LAMA2: variants seen among roughly 807,000 people sequenced by gnomAD.
LAMA2 encodes laminin subunit alpha 2.
In LAMA2, 269 loss-of-function variants were observed where a neutral mutation model predicts 364.8. That is an observed-to-expected ratio of 0.74 (90% confidence interval 0.67 to 0.82). The LOEUF (loss-of-function observed/expected upper bound fraction) is 0.82. LAMA2 is among the 40% of genes least tolerant of loss of function. LAMA2 has a pLI of 0.00. For missense variants in LAMA2, 3,807 were observed against 3,873.2 expected (o/e 0.98, Z 0.45); for synonymous variants, 1,379 against 1,370.6 (o/e 1.01, Z -0.14).
intron 1 of LAMA2, among the ~76,000 whole-genome samples, chr6:128,947,638 CT>C (rs1257564335): frequency 6.6e-6 from 1 of 152,092 alleles, no homozygotes; most frequent in Admixed American, 6.6e-5. Flanking sequence ...GCATTTATTA[CT>C]TTTATAACCT....
intron 1 of LAMA2, among the ~76,000 whole-genome samples, chr6:128,919,566 T>A (rs1778563214): frequency 6.6e-6 from 1 of 152,246 alleles, no homozygotes; most frequent in Non-Finnish European, 1.5e-5. Context: ...CTTACAGGCT[T>A]ACAGCCAACA....
chr6:129,301,880 C>T (rs1221375601), intron 22 of LAMA2, among the ~76,000 whole-genome samples: 2 of 152,036 alleles, frequency 1.3e-5, no homozygotes, highest in Admixed American at 6.6e-5. Flanking sequence ...AAAATAGAAT[C>T]GTAGTCTGTT....
intron 9 of LAMA2, among the ~76,000 whole-genome samples, chr6:129,176,074 T>C (rs571555750): frequency 1.2e-4 from 18 of 152,002 alleles, no homozygotes; most frequent in Non-Finnish European, 2.2e-4. Context: ...TAAGTTTACT[T>C]TTGGGTACAG....
intron 3 of LAMA2, among the ~76,000 whole-genome samples, chr6:129,071,625 A>G (rs1237171744): frequency 5.9e-5 from 9 of 152,130 alleles, no homozygotes; most frequent in African/African-American, 1.9e-4. Flanking sequence ...ATTTTAAAAT[A>G]TATTCTAATT....
rs188188527 is a variant in LAMA2, at chr6:128,909,332, C to A, written c.112+25975C>A. ...AATCTGGGTGCTCCTGTGTTGGGTG[C>A]GTATATATTTAGGTTAGTTAGCTCT... On this transcript the variant is annotated intron_variant, in intron 1 of 64. Coordinates refer to ENST00000421865, the MANE Select transcript of LAMA2 (RefSeq NM_000426.4). 1.1e-3 allele frequency among the ~76,000 whole-genome samples: 165 copies of A among 151,998 alleles called. 2 individuals are homozygous for A. The highest frequency in any genetic ancestry group is 3.8e-3 in the African/African-American group (158 of 41,412).
intron 1 of LAMA2, among the ~76,000 whole-genome samples, chr6:128,944,977 G>A (rs995976547): frequency 6.6e-6 from 1 of 152,124 alleles, no homozygotes; most frequent in Non-Finnish European, 1.5e-5. Context: ...ATTTCAATAC[G>A]AGATTTGGGT....
intron 45 of LAMA2, among the ~76,000 whole-genome samples, chr6:129,451,600 A>G (rs891535015): frequency 6.6e-6 from 1 of 152,188 alleles, no homozygotes; most frequent in African/African-American, 2.4e-5. Flanking sequence ...GTGAGGCAAC[A>G]ACAATAAACA....
At chr6:129,196,378 A>G (rs1014034601) in intron 12 of LAMA2, among the ~76,000 whole-genome samples, 1 of 150,692 alleles carries the variant, frequency 6.6e-6, no homozygotes, top group Non-Finnish European at 1.5e-5. Context: ...ATCTCATCAT[A>G]TAAAAGAAGC....
At chr6:128,919,429 T>C (rs1778554905) in intron 1 of LAMA2, among the ~76,000 whole-genome samples, 1 of 152,234 alleles carries the variant, frequency 6.6e-6, no homozygotes, top group Non-Finnish European at 1.5e-5. Context: ...ATGGTTAATA[T>C]TGGCCACAAA....
At chr6:129,293,613 A>G (rs909174796) in intron 20 of LAMA2, among the ~76,000 whole-genome samples, 2 of 152,202 alleles carry the variant, frequency 1.3e-5, no homozygotes, top group African/African-American at 4.8e-5. Context: ...TCTAATTACA[A>G]AAGTGTGGTT....
Position 129,154,638 on chromosome 6 carries a change from T to A in LAMA2, c.1161T>A (p.Gly387=). 4.3e-6 allele frequency: 7 copies of A among 1,614,100 alleles called. No individual in the cohort carries two copies. Among genetic ancestry groups the A allele is most frequent in the Non-Finnish European group, 5.9e-6 (7 of 1,179,974 alleles). The part of the protein sequence containing the change: ...VCINCTQNTA[G]INCETCTDGF... ...TTAATTGTACCCAAAACACTGCTGG[T>A]ATAAACTGCGAGACATGTACTGATG... Residue 387 remains glycine (G), a synonymous_variant, in exon 8 of 65, where the codon GGT becomes GGA. Coordinates refer to ENST00000421865, the MANE Select transcript of LAMA2 (RefSeq NM_000426.4).
intron 64 of LAMA2, among the ~76,000 whole-genome samples, chr6:129,514,804 C>T (rs1426959317): frequency 6.6e-6 from 1 of 152,172 alleles, no homozygotes; most frequent in Non-Finnish European, 1.5e-5. Context: ...CTGAACTTTT[C>T]ATGAGAGCCC....
chr6:129,320,448 G>A (rs543214697), intron 27 of LAMA2, 90 bp from the exon 28 acceptor site: 31 of 823,496 alleles, frequency 3.8e-5, no homozygotes, highest in Admixed American at 2.4e-4. Context: ...TGACAAAAAC[G>A]TGAGAAGGAT....
chr6:129,313,172 A>G, intron 23 of LAMA2, 75 bp downstream of exon 23: 1 of 891,750 alleles, frequency 1.1e-6, no homozygotes. Context: ...AACTTCATTC[A>G]GTGTTTGTTA....
chr6:129,125,544 T>C (rs1311775924), intron 4 of LAMA2, among the ~76,000 whole-genome samples: 3 of 152,156 alleles, frequency 2.0e-5, no homozygotes, highest in South Asian at 2.1e-4. Flanking sequence ...CATAAGAGCA[T>C]TGCAAACGTT....
chr6:129,017,989 G>T (rs1322811890), intron 1 of LAMA2, among the ~76,000 whole-genome samples: 4 of 151,566 alleles, frequency 2.6e-5, no homozygotes, highest in African/African-American at 4.8e-5. Flanking sequence ...GTTTCTGATG[G>T]CATCTCTTTC....
At chr6:129,216,525 AC>A (rs1783434245) in intron 12 of LAMA2, among the ~76,000 whole-genome samples, 1 of 152,184 alleles carries the variant, frequency 6.6e-6, no homozygotes, top group Non-Finnish European at 1.5e-5. Context: ...AAGTACAAAA[AC>A]ATCTTCCTTG....
intron 62 of LAMA2, among the ~76,000 whole-genome samples, chr6:129,511,786 CAAGAT>C (rs1786604096): frequency 6.6e-6 from 1 of 151,320 alleles, no homozygotes; most frequent in African/African-American, 2.4e-5. Context: ...ACTGGATGAA[CAAGAT>C]AAGTCTATTT....
chr6:129,473,089 C>A (rs887817480), intron 51 of LAMA2, 125 bp from the exon 52 acceptor site: 4 of 674,008 alleles, frequency 5.9e-6, no homozygotes, highest in African/African-American at 5.4e-5. Context: ...AAATATAGTG[C>A]AAGTGCTTGA....
Sources: gnomAD v4.1 joint callset for allele counts (sites outside exome capture counted in the v4.1 genomes callset) on GRCh38, gnomAD v4.1.1 for gene constraint, MANE v1.5 for transcripts, NCBI Gene and HGNC (gene_info 2026-07-23, HGNC 2026-07-21) for gene names.